Variants in TMPRSS11B observed in about 807,000 individuals in gnomAD.
TMPRSS11B encodes the protein transmembrane protease serine 11B.
A neutral mutation model predicts 44.7 loss-of-function variants in TMPRSS11B; 53 were observed. That is an observed-to-expected ratio of 1.19 (90% CI 0.95 to 1.49). The LOEUF (loss-of-function observed/expected upper bound fraction) is 1.49. Ranked by LOEUF, TMPRSS11B falls within the 40% of genes most tolerant of loss-of-function variation. TMPRSS11B has a pLI of 0.00. For missense variants in TMPRSS11B, 526 were observed against 494.8 expected (o/e 1.06, Z -0.60); for synonymous variants, 140 against 159.2 (o/e 0.88, Z 0.91).
At chr4:68,232,911 A>T (rs1719557303) in intron 5 of TMPRSS11B, among the ~76,000 whole-genome samples, 1 of 140,498 alleles carries the variant, frequency 7.1e-6, no homozygotes, top group Non-Finnish European at 1.5e-5. Flanking sequence ...CTTTCCCATG[A>T]TAATTCTCTT....
At position 68,241,320 on chromosome 4, in the gene TMPRSS11B, T is replaced by G. The variant is rs144091646; in HGVS notation, c.124+369A>C. ...TTTTCATTGCTACTTATTCATCATA[T>G]CTTAATAACCAATAGCAGAATTGAA... On this transcript the variant is annotated intron_variant, in intron 2 of 9. Coordinates refer to ENST00000332644, the MANE Select transcript of TMPRSS11B (RefSeq NM_182502.3). Among the ~76,000 whole-genome samples the G allele has an allele frequency of 7.2e-5, 11 of 152,238 alleles. No homozygotes were observed. In the East Asian group the frequency reaches 2.1e-3, roughly 29 times the overall value.
In TMPRSS11B at chr4:68,227,253, C is replaced by A. The variant is rs1719376190; in HGVS notation, c.*658G>T. The A allele has an allele frequency of 1.3e-5, 2 of 151,958 alleles. No homozygotes were observed. The highest frequency in any genetic ancestry group is 2.1e-4 in the South Asian group (1 of 4,804). 9.4% of individuals were successfully genotyped at this position (151,958 alleles called of 1,614,324 possible). A position where few individuals can be genotyped will look rare whatever the true frequency, so the allele number is the denominator to read the frequency against. On this transcript the variant is annotated 3_prime_UTR_variant, in exon 10 of 10. Coordinates refer to ENST00000332644, the MANE Select transcript of TMPRSS11B (RefSeq NM_182502.3). ...AAAAGTAACTCATTTGATAAATCCCCTATATATGTTCTCATAGTTTCAAAA... is the reference window on the plus strand; with the variant it reads ...AAAAGTAACTCATTTGATAAATCCCATATATATGTTCTCATAGTTTCAAAA...
rs1212829858 is a variant in TMPRSS11B at position 68,229,298 on chromosome 4, T to A, written c.905A>T (p.Asp302Val). 1.9e-6 allele frequency: 3 copies of A among 1,613,082 alleles called. No homozygotes were observed. The highest frequency in any genetic ancestry group is 1.3e-5 in the African/African-American group (1 of 74,866). ...PEAKMKLSEN[D>V]NVVVTGWGTL... ...TCCCCAACCTGTAACTACAACATTG[T>A]CATTTTCTGAGAGCTTCATTTTGGC... Residue 302 changes from aspartate (D) to valine (V), a missense_variant, in exon 8 of 10, where the codon GAC (aspartate) becomes GTC (valine). Transcript: ENST00000332644.
At chr4:68,228,168 C>A in intron 9 of TMPRSS11B, 96 bp from the exon 10 acceptor site, 1 of 1,117,874 alleles carries the variant, frequency 8.9e-7, no homozygotes, top group Non-Finnish European at 1.2e-6. Context: ...GCACTGAAAC[C>A]AATTCACTCT....
intron 2 of TMPRSS11B, among the ~76,000 whole-genome samples, chr4:68,237,982 A>G (rs111306011): frequency 0.016 from 2,493 of 152,220 alleles, 60 homozygotes; most frequent in African/African-American, 0.055. Context: ...GCACCACTGC[A>G]CTCCAGACTT....
At chr4:68,234,378 C>G (rs1719602437) in intron 5 of TMPRSS11B, 85 bp downstream of exon 5, 1 of 1,436,846 alleles carries the variant, frequency 7.0e-7, no homozygotes. Flanking sequence ...ATTACTAAAA[C>G]TCTTAGTTCA....
At chr4:68,235,073 C>T (rs760203871) in intron 4 of TMPRSS11B, among the ~76,000 whole-genome samples, 25 of 152,098 alleles carry the variant, frequency 1.6e-4, no homozygotes, top group East Asian at 9.6e-4. Flanking sequence ...CTTCTTCCTA[C>T]GGTTTTTTTA....
chr4:68,227,931 T>G lies in TMPRSS11B; in HGVS notation c.1231A>C (p.Thr411Pro), dbSNP rs201714388. The part of the protein sequence containing the change: ...TRVTSYRNWI[T>P]SKTGL Reference sequence around the variant, plus strand: ...TTTTTTCAGAGTCCAGTCTTGGATGTAATCCAATTGCGATAAGAAGTCACT... The same window carrying G: ...TTTTTTCAGAGTCCAGTCTTGGATGGAATCCAATTGCGATAAGAAGTCACT... Residue 411 changes from threonine to proline, a missense_variant, in exon 10 of 10, where the codon ACA (threonine) becomes CCA (proline). By Grantham distance (38) the Thr-to-Pro change is conservative. Transcript: ENST00000332644. 3.7e-5 allele frequency: 59 copies of G among 1,612,296 alleles called. No homozygotes were observed. The African/African-American group carries it at 7.6e-4, about 21-fold the overall frequency.
Position 68,229,444 on chromosome 4 carries a change from G to A in TMPRSS11B, c.759C>T (p.Val253=). 1 of 1,613,812 alleles carries A rather than the reference G, an allele frequency of 6.2e-7. No homozygotes were observed. Among genetic ancestry groups the A allele is most frequent in the South Asian group, 1.1e-5 (1 of 91,068 alleles). ...AATTTTCATGAAAAATAATGTTTTGGACTTTCCGTGTCATATATGGTTTAT... is the reference window on the plus strand; with the variant it reads ...AATTTTCATGAAAAATAATGTTTTGAACTTTCCGTGTCATATATGGTTTAT... ...VVNKPYMTRK[V]QNIIFHENYS... The change falls in exon 8 of 10, where the codon GTC becomes GTT. Residue 253 remains valine, a synonymous_variant. Transcript: ENST00000332644.
chr4:68,228,202 C>A, intron 9 of TMPRSS11B, 130 bp from the exon 10 acceptor site: 1 of 827,514 alleles, frequency 1.2e-6, no homozygotes, highest in South Asian at 2.2e-5. Flanking sequence ...ACTCTGAAAC[C>A]CTTAGGACTT....
At chr4:68,237,057 T>G (rs1399581279) in intron 2 of TMPRSS11B, among the ~76,000 whole-genome samples, 4 of 151,900 alleles carry the variant, frequency 2.6e-5, no homozygotes, top group African/African-American at 9.7e-5. Flanking sequence ...CCATCTACAT[T>G]AGTTATTTCT....
intron 5 of TMPRSS11B, among the ~76,000 whole-genome samples, chr4:68,233,029 T>C (rs1245992128): frequency 5.3e-5 from 8 of 152,080 alleles, no homozygotes; most frequent in African/African-American, 1.7e-4. Context: ...TTACTAAGAA[T>C]GAATCATGAA....
rs762310482 is a variant in TMPRSS11B, at chr4:68,235,999, T to TA, written c.308+2dup. The TA allele has an allele frequency of 3.9e-6, 6 of 1,546,218 alleles. No individual in the cohort carries two copies. Among genetic ancestry groups the TA allele is most frequent in the African/African-American group, 1.4e-5 (1 of 72,536 alleles). ...ATAAAATCTTAAATGAACTTGTACT[T>TA]ACAGAAGTTTGATGACCTCAGATTT... is the stretch of plus-strand genomic sequence containing the variant. On this transcript the variant is annotated splice_region_variant and intron_variant, in intron 4 of 9. Coordinates refer to ENST00000332644, the MANE Select transcript of TMPRSS11B (RefSeq NM_182502.3).
At position 68,231,224 on chromosome 4, in the gene TMPRSS11B, G is replaced by C. The variant is rs1421389380; in HGVS notation, c.665C>G (p.Ser222Cys). The C allele has an allele frequency of 2.5e-6, 4 of 1,610,822 alleles. No individual in the cohort carries two copies. Among genetic ancestry groups the C allele is most frequent in the East Asian group, 2.2e-5 (1 of 44,842 alleles). ...TTACTTAGCAAAGCAGTGAGCTGCA[G>C]ATAATAGCCACCTGCTGCTGATCAG... ...ASLISSRWLL[S>C]AAHCFAKKNN... Residue 222 changes from serine (S) to cysteine (C), a missense_variant, in exon 7 of 10, where the codon TCT becomes TGT. Transcript: ENST00000332644.
rs1359151111 is a variant in TMPRSS11B at position 68,228,821 on chromosome 4, G to T, written c.1010C>A (p.Ala337Asp). 6.2e-7 allele frequency: 1 copy of T among 1,613,578 alleles called. No individual in the cohort carries two copies. Among genetic ancestry groups the T allele is most frequent in the Non-Finnish European group, 8.5e-7 (1 of 1,179,806 alleles). The change falls in exon 9 of 10, where the codon GCC becomes GAC. Residue 337 changes from alanine to aspartate, a missense_variant. Ala to Asp is a moderately radical substitution (Grantham distance 126, BLOSUM62 -2). Coordinates refer to ENST00000332644, the MANE Select transcript of TMPRSS11B (RefSeq NM_182502.3). ...CACAAAGCCAGAGTATGCATATGAG[G>T]CATTGCAAATTTTGTTGTCAATAAT... ...LKIIDNKICN[A>D]SYAYSGFVTD... is the part of the protein sequence containing the mutation.
intron 2 of TMPRSS11B, among the ~76,000 whole-genome samples, chr4:68,236,783 CA>C (rs1046893349): frequency 1.3e-5 from 2 of 152,050 alleles, no homozygotes; most frequent in African/African-American, 4.8e-5. Context: ...AATTCTAATA[CA>C]GGAAACATAC....
At chr4:68,229,228 A>G in intron 8 of TMPRSS11B, 29 bp downstream of exon 8, 3 of 1,545,104 alleles carry the variant, frequency 1.9e-6, no homozygotes, top group Non-Finnish European at 2.6e-6. Context: ...ATTCCCATGC[A>G]GCTATTATGA....
Position 68,230,888 on chromosome 4 carries a change from G to T in TMPRSS11B, c.686+315C>A, listed in dbSNP as rs537440395. ...GACTTAGTTTCCTCATCTTCAAATGGTTTTAACTATACCTTCCATACAGAA... is the reference window on the plus strand; with the variant it reads ...GACTTAGTTTCCTCATCTTCAAATGTTTTTAACTATACCTTCCATACAGAA... On this transcript the variant is annotated intron_variant, in intron 7 of 9. Transcript: ENST00000332644. Among the ~76,000 whole-genome samples, 4 of 152,022 alleles carry T rather than the reference G, an allele frequency of 2.6e-5. No individual in the cohort carries two copies. The East Asian group carries it at 7.7e-4, about 29-fold the overall frequency.
At chr4:68,241,266 A>G (rs1297787572) in intron 2 of TMPRSS11B, among the ~76,000 whole-genome samples, 1 of 152,164 alleles carries the variant, frequency 6.6e-6, no homozygotes, top group African/African-American at 2.4e-5. Context: ...ATGCTTGACT[A>G]TCTACTATTA....
Sources: allele counts gnomAD v4.1 joint callset (sites outside exome capture counted in the v4.1 genomes callset), GRCh38; gene constraint gnomAD v4.1.1; transcripts MANE v1.5; gene names NCBI Gene and HGNC (gene_info 2026-07-23, HGNC 2026-07-21).